STAB2: variants seen among roughly 807,000 people sequenced by gnomAD.
STAB2 encodes stabilin 2, also known as stabilin-2.
STAB2 carries 288 observed loss-of-function variants against 338.1 expected under a neutral mutation model. The ratio of observed to expected loss-of-function variants is 0.85; its 90% CI spans 0.77 to 0.94. The LOEUF is 0.94. STAB2 is among the 40% of genes least tolerant of loss of function. The pLI is 0.00. For synonymous variants in STAB2, 1,202 were observed against 1,193.3 expected, an observed-to-expected ratio of 1.01 and a Z score of -0.15; for missense variants, 3,141 against 3,210.1, an observed-to-expected ratio of 0.98 and a Z score of 0.52.
At chr12:103,713,527 C>T (rs981282239) in intron 41 of STAB2, 116 bp from the exon 42 acceptor site, 1 of 1,469,640 alleles carries the variant, frequency 6.8e-7, no homozygotes, top group Non-Finnish European at 9.3e-7. Context: ...CATATTTAAT[C>T]CAGTGCCTGC....
In STAB2 at chr12:103,687,256, C is replaced by T. The variant is rs571566413; in HGVS notation, c.2998-912C>T. 2.6e-5 allele frequency among the ~76,000 whole-genome samples: 4 copies of T among 152,078 alleles called. No individual in the cohort carries two copies. In the East Asian group the frequency reaches 7.7e-4, roughly 29 times the overall value. On this transcript the variant is annotated intron_variant, in intron 27 of 68. Coordinates refer to ENST00000388887, the MANE Select transcript of STAB2 (RefSeq NM_017564.10). ...GTTCTCAGAGGTTAAGTGACTTGCC[C>T]AAGATCACACAGCTGGTAAATGGCA... is the stretch of plus-strand genomic sequence containing the variant.
chr12:103,678,521 G>A (rs867268330), intron 25 of STAB2, among the ~76,000 whole-genome samples: 3 of 152,082 alleles, frequency 2.0e-5, no homozygotes, highest in South Asian at 4.1e-4. Context: ...CAGACAAATG[G>A]AGATCTGCCC....
intron 20 of STAB2, 93 bp from the exon 21 acceptor site, chr12:103,669,448 C>A: frequency 8.9e-7 from 1 of 1,120,072 alleles, no homozygotes; most frequent in Non-Finnish European, 1.4e-6. Context: ...GCGAATATGG[C>A]TTAGTATAAT....
intron 56 of STAB2, among the ~76,000 whole-genome samples, 168 bp from the exon 57 acceptor site, chr12:103,745,003 TGA>T (rs1566068948): frequency 6.6e-6 from 1 of 152,166 alleles, no homozygotes; most frequent in Non-Finnish European, 1.5e-5. Context: ...GCCTGGCCTG[TGA>T]TAGTCCCTGA....
chr12:103,617,841 T>A (rs1957234376), intron 3 of STAB2, among the ~76,000 whole-genome samples: 1 of 152,232 alleles, frequency 6.6e-6, no homozygotes, highest in Admixed American at 6.5e-5. Flanking sequence ...GGAGCATCTT[T>A]CCAGGTTTTG....
At chr12:103,668,579 T>A in intron 19 of STAB2, 64 bp from the exon 20 acceptor site, 2 of 1,382,728 alleles carry the variant, frequency 1.4e-6, no homozygotes, top group Non-Finnish European at 2.0e-6. Flanking sequence ...CTGCAGAGGG[T>A]GTGCAGTGCC....
intron 3 of STAB2, among the ~76,000 whole-genome samples, chr12:103,612,375 T>C (rs1957138589): frequency 6.6e-6 from 1 of 152,234 alleles, no homozygotes; most frequent in Admixed American, 6.5e-5. Flanking sequence ...TTGGAGGCTT[T>C]GTTCATTTCT....
intron 9 of STAB2, among the ~76,000 whole-genome samples, chr12:103,640,937 A>G (rs1240277770): frequency 3.3e-5 from 5 of 152,196 alleles, no homozygotes; most frequent in Non-Finnish European, 5.9e-5. Context: ...TACATGAGAG[A>G]ATGTTTCTAG....
At chr12:103,728,775 A>G in intron 47 of STAB2, 74 bp from the exon 48 acceptor site, 1 of 1,582,972 alleles carries the variant, frequency 6.3e-7, no homozygotes, top group Non-Finnish European at 8.6e-7. Flanking sequence ...AGAATGGAGG[A>G]CAGGAGAGCC....
At chr12:103,729,272 G>T (rs1881454697) in intron 48 of STAB2, among the ~76,000 whole-genome samples, 2 of 152,104 alleles carry the variant, frequency 1.3e-5, no homozygotes, top group African/African-American at 4.8e-5. Flanking sequence ...CCTGGGTGAT[G>T]AAATAATCTC....
At chr12:103,701,170 A>G (rs1417104954) in intron 34 of STAB2, among the ~76,000 whole-genome samples, 6 of 151,462 alleles carry the variant, frequency 4.0e-5, no homozygotes, top group Non-Finnish European at 8.8e-5. Context: ...ATGTCCCTAC[A>G]AAGGACATGA....
chr12:103,625,462 A>G (rs920022012), intron 5 of STAB2, among the ~76,000 whole-genome samples: 1 of 152,074 alleles, frequency 6.6e-6, no homozygotes, highest in Non-Finnish European at 1.5e-5. Flanking sequence ...TGCCCCCAGT[A>G]ACTTGTCATT....
intron 45 of STAB2, among the ~76,000 whole-genome samples, chr12:103,725,646 GTGTA>G (rs1881137071): frequency 6.6e-6 from 1 of 152,168 alleles, no homozygotes; most frequent in African/African-American, 2.4e-5. Flanking sequence ...ATGTGCATGT[GTGTA>G]TGCACGTGTG....
At chr12:103,705,587 C>T (rs371106617) in intron 36 of STAB2, 45 bp from the exon 37 acceptor site, 12 of 1,591,926 alleles carry the variant, frequency 7.5e-6, no homozygotes, top group Non-Finnish European at 8.6e-6. Flanking sequence ...GACTGGAAAA[C>T]TTTTTCCTAA....
intron 16 of STAB2, 72 bp from the exon 17 acceptor site, chr12:103,660,611 G>A: frequency 6.6e-7 from 1 of 1,514,544 alleles, no homozygotes; most frequent in Admixed American, 1.7e-5. Context: ...TTTTTCTAGT[G>A]AGGACTTTAA....
At chr12:103,759,297 G>C (rs776168363) in intron 65 of STAB2, 24 bp downstream of exon 65, 11 of 1,610,106 alleles carry the variant, frequency 6.8e-6, no homozygotes, top group Non-Finnish European at 9.3e-6. Context: ...TGGGCTTCTT[G>C]GGGGAACGGG....
intron 67 of STAB2, among the ~76,000 whole-genome samples, chr12:103,762,986 C>G (rs1262593644): frequency 1.3e-5 from 2 of 152,236 alleles, no homozygotes; most frequent in Admixed American, 1.3e-4. Flanking sequence ...GGCCCACCCT[C>G]TCCTCAAAAC....
chr12:103,633,414 G>T (rs1346923844), intron 6 of STAB2, among the ~76,000 whole-genome samples: 1 of 152,248 alleles, frequency 6.6e-6, no homozygotes, highest in Non-Finnish European at 1.5e-5. Flanking sequence ...CGGGCCTGGT[G>T]GTTCATGCCT....
At chr12:103,736,339 T>C (rs1882121506) in intron 52 of STAB2, among the ~76,000 whole-genome samples, 1 of 152,220 alleles carries the variant, frequency 6.6e-6, no homozygotes, top group Admixed American at 6.5e-5. Flanking sequence ...CATCTCCCAA[T>C]TGAGTTAATT....
Sources: allele counts gnomAD v4.1 joint callset (sites outside exome capture counted in the v4.1 genomes callset), GRCh38; gene constraint gnomAD v4.1.1; transcripts MANE v1.5; gene names NCBI Gene and HGNC (gene_info 2026-07-23, HGNC 2026-07-21).